SLC46A3: variants seen among roughly 807,000 people sequenced by gnomAD.
The protein encoded by SLC46A3 is lysosomal proton-coupled steroid conjugate and bile acid symporter SLC46A3.
SLC46A3 carries 26 observed loss-of-function variants against 38.5 expected under a neutral mutation model. That is an observed-to-expected ratio of 0.68 (90% CI 0.49 to 0.94). SLC46A3 has a LOEUF of 0.94. Ranked by LOEUF, SLC46A3 falls within the 40% of genes least tolerant of loss-of-function variation. The probability of loss-of-function intolerance (pLI) is 0.00; values close to 1 mark genes in which losing one functional copy is unlikely to be tolerated. For missense variants in SLC46A3, 510 were observed against 544.3 expected, an observed-to-expected ratio of 0.94 and a Z score of 0.63; for synonymous variants, 185 against 192.5, an observed-to-expected ratio of 0.96 and a Z score of 0.32.
intron 3 of SLC46A3, among the ~76,000 whole-genome samples, chr13:28,712,371 G>A (rs1885366584): frequency 6.6e-6 from 1 of 152,086 alleles, no homozygotes; most frequent in East Asian, 1.9e-4. Flanking sequence ...CTTATTAGCA[G>A]CATTTTAAGA....
intron 2 of SLC46A3, among the ~76,000 whole-genome samples, chr13:28,714,157 A>T (rs1771163): frequency 0.79 from 113,158 of 142,988 alleles, 47,011 homozygotes; most frequent in Non-Finnish European, 0.92. Context: ...AAAAAAAAAA[A>T]AACCTTTATT....
At chr13:28,704,133 A>G (rs1384146067) in intron 4 of SLC46A3, 34 bp from the exon 5 acceptor site, 1 of 1,567,844 alleles carries the variant, frequency 6.4e-7, no homozygotes, top group Non-Finnish European at 8.6e-7. Flanking sequence ...AGAGGAAAAA[A>G]AAAAGGCAGA....
intron 4 of SLC46A3, 106 bp from the exon 5 acceptor site, chr13:28,704,205 T>C: frequency 1.0e-6 from 1 of 1,001,510 alleles, no homozygotes; most frequent in Non-Finnish European, 1.5e-6. Flanking sequence ...ACAGTAAACA[T>C]GAGGGCACTG....
intron 2 of SLC46A3, among the ~76,000 whole-genome samples, chr13:28,714,995 G>A (rs1211843240): frequency 6.6e-6 from 1 of 152,172 alleles, no homozygotes; most frequent in African/African-American, 2.4e-5. Flanking sequence ...TTTGTATACT[G>A]GGAAATGCTA....
chr13:28,708,385 C>T (rs1885237991), intron 4 of SLC46A3, among the ~76,000 whole-genome samples: 1 of 152,170 alleles, frequency 6.6e-6, no homozygotes, highest in African/African-American at 2.4e-5. Context: ...CTTTGCATTT[C>T]CCTGATGGCT....
Position 28,717,484 on chromosome 13 carries a change from ACTTTTTTT to A in SLC46A3, c.189+318_189+325del, listed in dbSNP as rs753345589. The stretch of plus-strand genomic sequence containing the variant: ...CAGCCTGCCCTGCCCCAATTTTCAG[ACTTTTTTT>A]TTTTTTTTTTTTTTTTTTAGGACAA... On this transcript the variant is annotated intron_variant, in intron 2 of 5. Transcript: ENST00000266943. Among the ~76,000 whole-genome samples the A allele has an allele frequency of 1.9e-4, 18 of 94,268 alleles. No individual in the cohort carries two copies. In the South Asian group the frequency reaches 2.2e-3, roughly 11 times the overall value. 61.8% of individuals were successfully genotyped at this position (94,268 alleles called of 152,430 possible).
intron 5 of SLC46A3, 71 bp from the exon 6 acceptor site, chr13:28,701,652 CT>C (rs1885025131): frequency 1.2e-5 from 17 of 1,435,532 alleles, no homozygotes; most frequent in South Asian, 8.9e-5. Context: ...TGTTTTCCAA[CT>C]TTTTTTCCCA....
intron 5 of SLC46A3, among the ~76,000 whole-genome samples, chr13:28,701,944 T>G (rs1885034801): frequency 6.6e-6 from 1 of 152,122 alleles, no homozygotes; most frequent in African/African-American, 2.4e-5. Context: ...AATTTTGATT[T>G]TTAAAATATT....
At chr13:28,714,157 A>AAAAAAAAAAAAT (rs1555260404) in intron 2 of SLC46A3, among the ~76,000 whole-genome samples, 1 of 143,026 alleles carries the variant, frequency 7.0e-6, no homozygotes, top group Non-Finnish European at 1.5e-5. Flanking sequence ...AAAAAAAAAA[A>AAAAAAAAAAAAT]AACCTTTATT....
In SLC46A3 at chr13:28,712,690, C is replaced by T; in HGVS notation, c.1050G>A (p.Met350Ile). The change falls in exon 3 of 6, where the codon ATG (methionine) becomes ATA (isoleucine). Residue 350 changes from methionine (M) to isoleucine (I), a missense_variant. By Grantham distance (10) the Met-to-Ile change is conservative (BLOSUM62 1). Coordinates refer to ENST00000266943, the MANE Select transcript of SLC46A3 (RefSeq NM_181785.4). ...ACACTTGGAACTCACCTAAAAACAT[C>T]ATCAGTGTTGTACTGGCAAACGCGG... ...AMTAFASTTL[M>I]MFLARVPFLF... 1 of 1,580,860 alleles carries T rather than the reference C, an allele frequency of 6.3e-7. No individual in the cohort carries two copies. Among genetic ancestry groups the T allele is most frequent in the South Asian group, 1.2e-5 (1 of 84,022 alleles).
intron 1 of SLC46A3, 107 bp from the exon 2 acceptor site, chr13:28,718,129 A>T: frequency 1.2e-6 from 1 of 842,584 alleles, no homozygotes; most frequent in Non-Finnish European, 1.8e-6. Flanking sequence ...TTAAACAAGC[A>T]AACTAGAGAA....
intron 5 of SLC46A3, among the ~76,000 whole-genome samples, chr13:28,702,185 A>G (rs1885043214): frequency 6.6e-6 from 1 of 151,766 alleles, no homozygotes; most frequent in Admixed American, 6.6e-5. Flanking sequence ...GGGTCCCACT[A>G]TGTTGCCCAG....
At chr13:28,703,834 G>T in intron 5 of SLC46A3, 109 bp downstream of exon 5, 1 of 958,308 alleles carries the variant, frequency 1.0e-6, no homozygotes, top group South Asian at 1.8e-5. Flanking sequence ...CTTGAGAAAA[G>T]CACGTTCTGA....
In SLC46A3 at chr13:28,713,012, T is replaced by C. The variant is rs779036554; in HGVS notation, c.728A>G (p.Tyr243Cys). The change falls in exon 3 of 6, where the codon TAC becomes TGC. Residue 243 changes from tyrosine to cysteine, a missense_variant. Physicochemically the swap from Tyr to Cys is radical, Grantham distance 194. Transcript: ENST00000266943. ...SCSEGFKNLF[Y>C]RTYMLFKNAS... The stretch of plus-strand genomic sequence containing the variant: ...ATTCTTAAAAAGCATGTAAGTTCGG[T>C]AAAATAGGTTTTTGAAGCCTTCACT... 2.5e-6 allele frequency: 4 copies of C among 1,613,044 alleles called. No individual in the cohort carries two copies. The East Asian group carries it at 8.9e-5, about 36-fold the overall frequency.
rs928469397 is a variant in SLC46A3, at chr13:28,705,632, C to T, written c.1145-1533G>A. The stretch of plus-strand genomic sequence containing the variant: ...GCTGTATCCCTAGGGCTCAGCTGTC[C>T]GGGTGCATGGCAGACATTTAATAAA... On this transcript the variant is annotated intron_variant, in intron 4 of 5. Transcript: ENST00000266943. 4.6e-5 allele frequency among the ~76,000 whole-genome samples: 7 copies of T among 152,254 alleles called. No individual in the cohort carries two copies. The Middle Eastern group carries it at 0.014, about 296-fold the overall frequency.
rs1221844019 is a variant in SLC46A3 at position 28,712,667 on chromosome 13, A to G, written c.1060+13T>C. ...AATACATAGTTAGTTCTAAAGCTACACTTGGAACTCACCTAAAAACATCAT... is the reference window on the plus strand; with the variant it reads ...AATACATAGTTAGTTCTAAAGCTACGCTTGGAACTCACCTAAAAACATCAT... On this transcript the variant is annotated intron_variant, in intron 3 of 5. Coordinates refer to ENST00000266943, the MANE Select transcript of SLC46A3 (RefSeq NM_181785.4). The G allele has an allele frequency of 1.3e-6, 2 of 1,555,348 alleles. No homozygotes were observed. The highest frequency in any genetic ancestry group is 1.7e-6 in the Non-Finnish European group (2 of 1,159,414).
At chr13:28,714,635 G>A (rs529683622) in intron 2 of SLC46A3, among the ~76,000 whole-genome samples, 2 of 152,220 alleles carry the variant, frequency 1.3e-5, no homozygotes, top group Non-Finnish European at 2.9e-5. Context: ...TGTAGTCTCC[G>A]CTACTTGGGA....
chr13:28,718,101 A>G, intron 1 of SLC46A3, 79 bp from the exon 2 acceptor site: 2 of 1,187,690 alleles, frequency 1.7e-6, no homozygotes, highest in Non-Finnish European at 2.4e-6. Flanking sequence ...AGTTTGAGCA[A>G]TTTTGTGGAG....
At position 28,712,872 on chromosome 13, in the gene SLC46A3, G is replaced by C. The variant is rs1273970355; in HGVS notation, c.868C>G (p.Leu290Val). The C allele has an allele frequency of 6.2e-7, 1 of 1,610,866 alleles. No individual in the cohort carries two copies. The highest frequency in any genetic ancestry group is 2.2e-5 in the East Asian group (1 of 44,860). Residue 290 changes from leucine (L) to valine (V), a missense_variant, in exon 3 of 6, where the codon CTC (leucine) becomes GTC (valine). Physicochemically the swap from Leu to Val is conservative, Grantham distance 32 (BLOSUM62 1). Transcript: ENST00000266943. ...CCTATAAAAACTTCATTCCAGCAGA[G>C]TGGTGAATCCAATTCATAAAGGATA... ...IFILYELDSP[L>V]CWNEVFIGYG...
Sources: gnomAD v4.1 joint callset for allele counts (sites outside exome capture counted in the v4.1 genomes callset) on GRCh38, gnomAD v4.1.1 for gene constraint, MANE v1.5 for transcripts, NCBI Gene and HGNC (gene_info 2026-07-23, HGNC 2026-07-21) for gene names.